Variants in RRAS observed in about 807,000 individuals in gnomAD.
The protein encoded by RRAS is ras-related protein R-Ras.
In RRAS, 18 loss-of-function variants were observed where a neutral mutation model predicts 23.3. The observed-to-expected ratio is 0.77, with a 90% CI of 0.53 to 1.15. The LOEUF is 1.15. Ranked by LOEUF, RRAS falls within the 50% of genes most tolerant of loss-of-function variation. The pLI is 0.00. For missense variants in RRAS, 291 were observed against 317.1 expected (o/e 0.92, Z 0.62); for synonymous variants, 133 against 138.3 (o/e 0.96, Z 0.27).
At chr19:49,639,852 G>A in intron 1 of RRAS, 94 bp downstream of exon 1, 2 of 1,096,866 alleles carry the variant, frequency 1.8e-6, no homozygotes, top group Admixed American at 2.7e-5. Flanking sequence ...GAGGGTCTCA[G>A]TGATGGGTCA....
chr19:49,637,121 C>T lies in RRAS; in HGVS notation c.163G>A (p.Val55Met), dbSNP rs368625677. Residue 55 changes from valine to methionine, a missense_variant, in exon 2 of 6, where the codon GTG (valine) becomes ATG (methionine). Coordinates refer to ENST00000246792, the MANE Select transcript of RRAS (RefSeq NM_006270.5). Reference protein sequence around the residue: ...LTIQFIQSYFVSDYDPTIEDS... With the variant: ...LTIQFIQSYFMSDYDPTIEDS... Reference sequence around the variant, plus strand: ...TCAATAGTGGGGTCGTAGTCAGACACGAAGTAGGACTGGCGGGGTGGGGAG... The same window carrying T: ...TCAATAGTGGGGTCGTAGTCAGACATGAAGTAGGACTGGCGGGGTGGGGAG... The T allele has an allele frequency of 2.4e-5, 39 of 1,612,400 alleles. No individual in the cohort carries two copies. The highest frequency in any genetic ancestry group is 1.6e-4 in the Middle Eastern group (1 of 6,084).
intron 1 of RRAS, among the ~76,000 whole-genome samples, chr19:49,637,764 C>T (rs2081003832): frequency 6.7e-6 from 1 of 149,594 alleles, no homozygotes; most frequent in Admixed American, 6.7e-5. Flanking sequence ...CCCTGCCCCC[C>T]TTTCCCTGCC....
Position 49,635,821 on chromosome 19 carries a change from G to A in RRAS, c.485C>T (p.Ala162Val), listed in dbSNP as rs2122416966. 1.3e-6 allele frequency: 2 copies of A among 1,598,306 alleles called. No homozygotes were observed. Among genetic ancestry groups the A allele is most frequent in the Non-Finnish European group, 1.7e-6 (2 of 1,168,572 alleles). The change falls in exon 5 of 6, where the codon GCC (alanine) becomes GTC (valine). Residue 162 changes from alanine to valine, a missense_variant. Transcript: ENST00000246792. The part of the protein sequence containing the change: ...VPRSEASAFG[A>V]SHHVAYFEAS... The stretch of plus-strand genomic sequence containing the variant: ...CTCAAAGTAGGCCACGTGGTGGGAG[G>A]CGCCGAAGGCAGAGGCTTCTGATCG...
chr19:49,637,393 G>A (rs1327595338), intron 1 of RRAS, among the ~76,000 whole-genome samples: 4 of 138,936 alleles, frequency 2.9e-5, no homozygotes, highest in South Asian at 2.3e-4. Context: ...TGCAACCTCC[G>A]CCTCCTGGGT....
intron 1 of RRAS, 112 bp downstream of exon 1, chr19:49,639,834 C>T: frequency 1.2e-6 from 1 of 836,594 alleles, no homozygotes; most frequent in Non-Finnish European, 1.8e-6. Flanking sequence ...GATTAGAGGG[C>T]CTTATAGGAG....
rs984293675 is a variant in RRAS, at chr19:49,635,477, T to G, written c.*99A>C. 3.1e-5 allele frequency: 21 copies of G among 678,028 alleles called. No homozygotes were observed. Among genetic ancestry groups the G allele is most frequent in the Admixed American group, 1.2e-4 (4 of 34,144 alleles). 42.0% of individuals were successfully genotyped at this position (678,028 alleles called of 1,614,324 possible). On this transcript the variant is annotated 3_prime_UTR_variant, in exon 6 of 6. Transcript: ENST00000246792. ...TGTGATGTGTCCTGGGAGACCCAGA[T>G]GAGGAAATTGAGGCTCAGTGAGGGC...
rs1219249466 is a variant in RRAS at position 49,640,058 on chromosome 19, G to T, written c.41C>A (p.Pro14His). The change falls in exon 1 of 6, where the codon CCC becomes CAC. Residue 14 changes from proline (P) to histidine (H), a missense_variant. Coordinates refer to ENST00000246792, the MANE Select transcript of RRAS (RefSeq NM_006270.5). ...GAASGTGRGR[P>H]RGGGPGPGDP... ...CCCGGGCCCAGGTCCCCCGCCCCGGGGCCGCCCCCGCCCTGTCCCGGACGC... is the reference window on the plus strand; with the variant it reads ...CCCGGGCCCAGGTCCCCCGCCCCGGTGCCGCCCCCGCCCTGTCCCGGACGC... The T allele has an allele frequency of 6.7e-7, 1 of 1,482,964 alleles. No individual in the cohort carries two copies. Among genetic ancestry groups the T allele is most frequent in the Admixed American group, 2.4e-5 (1 of 42,092 alleles). 91.9% of individuals were successfully genotyped at this position (1,482,964 alleles called of 1,614,324 possible).
Position 49,640,132 on chromosome 19 carries a change from T to C in RRAS, c.-34A>G. On this transcript the variant is annotated 5_prime_UTR_variant, in exon 1 of 6. Coordinates refer to ENST00000246792, the MANE Select transcript of RRAS (RefSeq NM_006270.5). ...CGCTGCTGCTGCCTTCGCTACCGCC[T>C]GCGGGGGAGCCGGGCGGGACCCGGG... 3 of 1,359,812 alleles carry C rather than the reference T, an allele frequency of 2.2e-6. No individual in the cohort carries two copies. The highest frequency in any genetic ancestry group is 2.8e-6 in the Non-Finnish European group (3 of 1,065,756). 84.2% of individuals were successfully genotyped at this position (1,359,812 alleles called of 1,614,324 possible).
At chr19:49,637,228 C>G (rs2081001192) in intron 1 of RRAS, 98 bp from the exon 2 acceptor site, 1 of 838,904 alleles carries the variant, frequency 1.2e-6, no homozygotes, top group Non-Finnish European at 1.9e-6. Flanking sequence ...CCCTCTCTCT[C>G]TAAATGTCTG....
chr19:49,639,143 C>T (rs1301171111), intron 1 of RRAS, among the ~76,000 whole-genome samples: 1 of 151,914 alleles, frequency 6.6e-6, no homozygotes, highest in Non-Finnish European at 1.5e-5. Flanking sequence ...AAGAATCAAA[C>T]GTGGGGCCGG....
chr19:49,639,891 C>A (rs893023235), intron 1 of RRAS, 55 bp downstream of exon 1: 1 of 1,491,004 alleles, frequency 6.7e-7, no homozygotes, highest in Non-Finnish European at 9.0e-7. Flanking sequence ...GGGGATCCCC[C>A]CAAGGGCTCA....
chr19:49,635,549 G>GTGGT lies in RRAS; in HGVS notation c.*23_*26dup. On this transcript the variant is annotated 3_prime_UTR_variant, in exon 6 of 6. Transcript: ENST00000246792. Reference sequence around the variant, plus strand: ...CGAAGGCAGCTAGTCCCGAGAGCTTGTGGTGGTTGCTTCTCTCTTGCCTGG... The same window carrying GTGGT: ...CGAAGGCAGCTAGTCCCGAGAGCTTGTGGTTGGTGGTTGCTTCTCTCTTGCCTGG... 1 of 1,375,336 alleles carries GTGGT rather than the reference G, an allele frequency of 7.3e-7. No homozygotes were observed. Among genetic ancestry groups the GTGGT allele is most frequent in the Non-Finnish European group, 9.6e-7 (1 of 1,040,368 alleles). The allele number at this position is 1,375,336 out of a possible 1,614,324, so 85.2% of individuals were successfully genotyped here.
In RRAS at chr19:49,636,778, C is replaced by T; in HGVS notation, c.344+46G>A. 6.2e-7 allele frequency: 1 copy of T among 1,607,930 alleles called. No individual in the cohort carries two copies. The highest frequency in any genetic ancestry group is 8.5e-7 in the Non-Finnish European group (1 of 1,175,284). ...GTCCAGCCAGCTGCAGAGCCCAGGT[C>T]CTCCCCACACCCACCCACTGCTCCG... On this transcript the variant is annotated intron_variant, in intron 3 of 5. Transcript: ENST00000246792. This position sits in a 1 kb window ranked among gnomAD's most constrained non-coding sequence, Gnocchi z 4.5.
At chr19:49,639,276 T>C (rs1361029470) in intron 1 of RRAS, among the ~76,000 whole-genome samples, 1 of 151,638 alleles carries the variant, frequency 6.6e-6, no homozygotes, top group African/African-American at 2.4e-5. Flanking sequence ...AATACAAAAA[T>C]TAGCCAGGCA....
intron 1 of RRAS, among the ~76,000 whole-genome samples, chr19:49,638,309 C>T (rs2081006304): frequency 6.6e-6 from 1 of 152,092 alleles, no homozygotes; most frequent in South Asian, 2.1e-4. Context: ...CCTTTCTCTA[C>T]ACAAGCAGGG....
intron 1 of RRAS, 24 bp from the exon 2 acceptor site, chr19:49,637,154 T>C: frequency 6.3e-7 from 1 of 1,578,308 alleles, no homozygotes; most frequent in African/African-American, 1.3e-5. Context: ...GAGAGGATAG[T>C]TACTGCAGTG....
Position 49,639,934 on chromosome 19 carries a change from A to C in RRAS, c.153+12T>G. Reference sequence around the variant, plus strand: ...GTCCCGGGGGACACCCTCCCGGGTGAGGGCCCACTACCTGGATGAACTGGA... The same window carrying C: ...GTCCCGGGGGACACCCTCCCGGGTGCGGGCCCACTACCTGGATGAACTGGA... On this transcript the variant is annotated intron_variant, in intron 1 of 5. Transcript: ENST00000246792. 5.7e-6 allele frequency: 9 copies of C among 1,580,216 alleles called. No individual in the cohort carries two copies. Among genetic ancestry groups the C allele is most frequent in the Non-Finnish European group, 7.7e-6 (9 of 1,169,582 alleles).
Position 49,635,836 on chromosome 19 carries a change from G to T in RRAS, c.470C>A (p.Ala157Asp), listed in dbSNP as rs754516040. 2 of 1,580,800 alleles carry T rather than the reference G, an allele frequency of 1.3e-6. No individual in the cohort carries two copies. The highest frequency in any genetic ancestry group is 1.7e-6 in the Non-Finnish European group (2 of 1,156,308). ...GTGGTGGGAGGCGCCGAAGGCAGAG[G>T]CTTCTGATCGGGGGACCTGGGGGTA... ...ESQRQVPRSE[A>D]SAFGASHHVA... is the part of the protein sequence containing the mutation. The change falls in exon 5 of 6, where the codon GCC (alanine) becomes GAC (aspartate). Residue 157 changes from alanine to aspartate, a missense_variant. Physicochemically the swap from Ala to Asp is moderately radical, Grantham distance 126. Transcript: ENST00000246792.
At chr19:49,638,294 TGG>T (rs1481892845) in intron 1 of RRAS, among the ~76,000 whole-genome samples, 1 of 152,090 alleles carries the variant, frequency 6.6e-6, no homozygotes, top group African/African-American at 2.4e-5. Flanking sequence ...GGCCCAGGGC[TGG>T]GGCCTTTCTC....
Sources: allele counts gnomAD v4.1 joint callset (sites outside exome capture counted in the v4.1 genomes callset), GRCh38; gene constraint gnomAD v4.1.1; non-coding constraint Gnocchi (gnomAD v3.1); transcripts MANE v1.5; gene names NCBI Gene and HGNC (gene_info 2026-07-23, HGNC 2026-07-21).